Variants in DMXL1 observed in about 807,000 individuals in gnomAD.
The protein encoded by DMXL1 is dmX-like protein 1.
Under a neutral mutation model 319.2 loss-of-function variants are expected in DMXL1, and 99 were observed. The ratio of observed to expected loss-of-function variants is 0.31; its 90% CI spans 0.26 to 0.37. The LOEUF is 0.37. Ranked by LOEUF, DMXL1 falls within the 10% of genes least tolerant of loss-of-function variation. The pLI is 1.00. For synonymous variants in DMXL1, 1,385 were observed against 1,235.2 expected (o/e 1.12, Z -2.54); for missense variants, 3,745 against 3,595.6 (o/e 1.04, Z -1.06).
In DMXL1 at chr5:119,178,716, T is replaced by C; in HGVS notation, c.7135+472T>C. 6 of 927,514 alleles carry C rather than the reference T, an allele frequency of 6.5e-6. No individual in the cohort carries two copies. The South Asian group carries it at 3.0e-4, about 46-fold the overall frequency. The allele number at this position is 927,514 out of a possible 1,614,324, so 57.5% of individuals were successfully genotyped here. On this transcript the variant is annotated intron_variant, in intron 28 of 43. Coordinates refer to ENST00000539542, the MANE Select transcript of DMXL1 (RefSeq NM_001290321.3). ...AAGATATGAGCTTTAGAAATAGGCT[T>C]TTATCATTCAGCTTGCTTTGTGTTG...
At chr5:119,138,062 G>C (rs1216130616) in intron 13 of DMXL1, among the ~76,000 whole-genome samples, 1 of 152,196 alleles carries the variant, frequency 6.6e-6, no homozygotes, top group African/African-American at 2.4e-5. Context: ...TGGCTATATA[G>C]ATTAGACGTG....
chr5:119,170,778 A>C lies in DMXL1; in HGVS notation c.5987A>C (p.Lys1996Thr). ...CCTTTACAGAGAAAAACAGATAAAA[A>C]GTTGGATGACATAAGTTCTAACTAC... Reference protein sequence around the residue: ...LKPLQRKTDKKLDDISSNYTE... With the variant: ...LKPLQRKTDKTLDDISSNYTE... Residue 1996 changes from lysine to threonine, a missense_variant, in exon 24 of 44, where the codon AAG (lysine) becomes ACG (threonine). Physicochemically the swap from Lys to Thr is moderately conservative, Grantham distance 78. Transcript: ENST00000539542. The C allele has an allele frequency of 6.2e-7, 1 of 1,612,414 alleles. No individual in the cohort carries two copies. The highest frequency in any genetic ancestry group is 8.5e-7 in the Non-Finnish European group (1 of 1,179,678).
chr5:119,243,613 C>G (rs1212351977), intron 42 of DMXL1, among the ~76,000 whole-genome samples: 1 of 152,074 alleles, frequency 6.6e-6, no homozygotes, highest in Non-Finnish European at 1.5e-5. Context: ...TTTTATTTTA[C>G]AAGGCTTAAT....
At position 119,178,080 on chromosome 5, in the gene DMXL1, C is replaced by T. The variant is rs760878427; in HGVS notation, c.6971C>T (p.Thr2324Ile). ...ACAGTCTTGCTCTGTGAGATTCTCA[C>T]AGCAGTGTATCTTAGTCTCTTCATC... is the stretch of plus-strand genomic sequence containing the variant. Reference protein sequence around the residue: ...GLTVLLCEILTAVYLSLFIHG... With the variant: ...GLTVLLCEILIAVYLSLFIHG... The change falls in exon 28 of 44, where the codon ACA becomes ATA. Residue 2324 changes from threonine (T) to isoleucine (I), a missense_variant. Physicochemically the swap from Thr to Ile is moderately conservative, Grantham distance 89 (BLOSUM62 -1). This residue lies in a region of DMXL1 where 1,382 missense variants were observed against 1,269.5 expected (regional missense o/e 1.09). Coordinates refer to ENST00000539542, the MANE Select transcript of DMXL1 (RefSeq NM_001290321.3). 2.5e-6 allele frequency: 4 copies of T among 1,613,880 alleles called. No homozygotes were observed. Among genetic ancestry groups the T allele is most frequent in the Non-Finnish European group, 8.5e-7 (1 of 1,179,864 alleles).
chr5:119,082,020 T>TATATATACACACACACACAC (rs1200957102), intron 1 of DMXL1, among the ~76,000 whole-genome samples: 42 of 108,138 alleles, frequency 3.9e-4, no homozygotes, highest in African/African-American at 1.8e-3. Flanking sequence ...TATATATATA[T>TATATATACACACACACACAC]ACACACACAC....
At chr5:119,237,170 C>A in intron 39 of DMXL1, 152 bp from the exon 40 acceptor site, 3 of 411,604 alleles carry the variant, frequency 7.3e-6, no homozygotes, top group Non-Finnish European at 1.3e-5. Context: ...GAATGTTTTT[C>A]TGAAATAGAT....
chr5:119,140,519 T>A (rs1767066623), intron 13 of DMXL1, among the ~76,000 whole-genome samples: 1 of 152,106 alleles, frequency 6.6e-6, no homozygotes, highest in Non-Finnish European at 1.5e-5. Context: ...AAGGGATGGA[T>A]AAATTCCTGG....
chr5:119,227,104 A>G (rs989874732), intron 38 of DMXL1, among the ~76,000 whole-genome samples: 9 of 152,296 alleles, frequency 5.9e-5, no homozygotes, highest in African/African-American at 2.2e-4. Context: ...CCCATCTAAG[A>G]CACTGCATTA....
chr5:119,084,194 C>T (rs1291157303), intron 1 of DMXL1, among the ~76,000 whole-genome samples: 1 of 151,970 alleles, frequency 6.6e-6, no homozygotes, highest in Non-Finnish European at 1.5e-5. Context: ...ATTCTTGGCT[C>T]CCTGCAACCT....
chr5:119,247,325 T>G lies in DMXL1; in HGVS notation c.*106T>G. On this transcript the variant is annotated 3_prime_UTR_variant, in exon 44 of 44. Coordinates refer to ENST00000539542, the MANE Select transcript of DMXL1 (RefSeq NM_001290321.3). Reference sequence around the variant, plus strand: ...CCACAAATTAGCTAATGCTTTCTTGTTTTTATATTTATTTTATGGAGCTTT... The same window carrying G: ...CCACAAATTAGCTAATGCTTTCTTGGTTTTATATTTATTTTATGGAGCTTT... 1.3e-6 allele frequency: 1 copy of G among 794,444 alleles called. No individual in the cohort carries two copies. 49.2% of individuals were successfully genotyped at this position (794,444 alleles called of 1,614,324 possible).
In DMXL1 at chr5:119,076,041, A is replaced by G. The variant is rs1464928386; in HGVS notation, c.87+4385A>G. Among the ~76,000 whole-genome samples, 3 of 151,862 alleles carry G rather than the reference A, an allele frequency of 2.0e-5. No individual in the cohort carries two copies. The East Asian group carries it at 5.8e-4, about 29-fold the overall frequency. On this transcript the variant is annotated intron_variant, in intron 1 of 43. Transcript: ENST00000539542. ...ATCTATACTTAGGGTTGAAACTGTG[A>G]TTTGAATGATATGGAAAGGGAGATA...
intron 13 of DMXL1, among the ~76,000 whole-genome samples, chr5:119,142,919 C>A (rs951525049): frequency 2.6e-5 from 4 of 152,114 alleles, no homozygotes; most frequent in Middle Eastern, 6.8e-3. Flanking sequence ...CATAAAGCAA[C>A]TTCTTTATGG....
At chr5:119,198,380 C>A (rs1325670069) in intron 32 of DMXL1, among the ~76,000 whole-genome samples, 1 of 152,164 alleles carries the variant, frequency 6.6e-6, no homozygotes, top group Admixed American at 6.5e-5. Context: ...TAAAAGCAAC[C>A]ATAGACAACA....
intron 35 of DMXL1, among the ~76,000 whole-genome samples, chr5:119,217,683 A>G (rs1234860507): frequency 1.3e-5 from 2 of 152,210 alleles, no homozygotes; most frequent in South Asian, 2.1e-4. Context: ...ATACATATAT[A>G]TAAGATGTTC....
intron 1 of DMXL1, among the ~76,000 whole-genome samples, chr5:119,085,946 T>A (rs529459396): frequency 2.6e-5 from 4 of 152,316 alleles, no homozygotes; most frequent in African/African-American, 9.6e-5. Flanking sequence ...AACTATCATA[T>A]GGTTTTTGTT....
chr5:119,168,039 C>G (rs1317487405), intron 23 of DMXL1, among the ~76,000 whole-genome samples, 175 bp downstream of exon 23: 1 of 152,018 alleles, frequency 6.6e-6, no homozygotes, highest in African/African-American at 2.4e-5. Context: ...CCTTTGAAAA[C>G]AAAGAACGTT....
chr5:119,142,768 A>C (rs891508347), intron 13 of DMXL1, among the ~76,000 whole-genome samples: 2 of 152,142 alleles, frequency 1.3e-5, no homozygotes, highest in Non-Finnish European at 2.9e-5. Context: ...TCACAATAGC[A>C]AAGACATAGA....
intron 5 of DMXL1, among the ~76,000 whole-genome samples, chr5:119,111,556 A>C (rs1380735422): frequency 6.6e-6 from 1 of 152,220 alleles, no homozygotes; most frequent in Non-Finnish European, 1.5e-5. Context: ...ATGCTGCTTT[A>C]GAGTTAGGGA....
chr5:119,152,214 T>G (rs931760712), intron 19 of DMXL1, among the ~76,000 whole-genome samples, 178 bp downstream of exon 19: 2 of 152,230 alleles, frequency 1.3e-5, no homozygotes, highest in Admixed American at 1.3e-4. Context: ...AACATTGGAA[T>G]TTTTAATGGT....
Sources: gnomAD v4.1 joint callset for allele counts (sites outside exome capture counted in the v4.1 genomes callset) on GRCh38, gnomAD v4.1.1 for gene constraint, gnomAD v4.1.1 regional missense constraint, MANE v1.5 for transcripts, NCBI Gene and HGNC (gene_info 2026-07-23, HGNC 2026-07-21) for gene names.